CNTN1: variants seen among roughly 807,000 people sequenced by gnomAD.
The protein encoded by CNTN1 is contactin-1.
A neutral mutation model predicts 126.4 loss-of-function variants in CNTN1; 38 were observed. The ratio of observed to expected loss-of-function variants is 0.30; its 90% CI spans 0.23 to 0.39. The LOEUF is 0.39. CNTN1 is among the 10% of genes least tolerant of loss of function. The pLI, the probability that CNTN1 is intolerant of heterozygous loss-of-function variation, is 1.00. For missense variants in CNTN1, 1,009 were observed against 1,248.4 expected, an observed-to-expected ratio of 0.81 and a Z score of 2.89; for synonymous variants, 413 against 422.6, an observed-to-expected ratio of 0.98 and a Z score of 0.28.
At chr12:40,808,544 A>ATTCT (rs144465894) in intron 1 of CNTN1, among the ~76,000 whole-genome samples, 3,461 of 152,328 alleles carry the variant, frequency 0.023, 123 homozygotes, top group African/African-American at 0.077. Flanking sequence ...GGAATGATTT[A>ATTCT]GAGTATTTAG....
At chr12:41,033,718 G>T (rs10437976) in intron 23 of CNTN1, among the ~76,000 whole-genome samples, 1 of 151,970 alleles carries the variant, frequency 6.6e-6, no homozygotes, top group South Asian at 2.1e-4. Flanking sequence ...GAAGTACCAG[G>T]TTATTGCCAT....
intron 1 of CNTN1, among the ~76,000 whole-genome samples, chr12:40,765,354 A>G (rs1939037805): frequency 6.6e-6 from 1 of 152,128 alleles, no homozygotes; most frequent in South Asian, 2.1e-4. Flanking sequence ...TCAATCCAGG[A>G]GTACAGTATA....
chr12:40,918,828 A>G, intron 4 of CNTN1, 57 bp downstream of exon 4: 1 of 1,591,692 alleles, frequency 6.3e-7, no homozygotes, highest in Non-Finnish European at 8.6e-7. Context: ...ATCACAGATC[A>G]GCATCTATGA....
intron 16 of CNTN1, among the ~76,000 whole-genome samples, chr12:40,983,752 T>G (rs988515385): frequency 4.7e-5 from 7 of 147,832 alleles, no homozygotes; most frequent in African/African-American, 1.5e-4. Flanking sequence ...TACTATATAT[T>G]ATATTACTAT....
chr12:40,880,674 T>C (rs1028267678), intron 1 of CNTN1, among the ~76,000 whole-genome samples: 1 of 152,024 alleles, frequency 6.6e-6, no homozygotes, highest in African/African-American at 2.4e-5. Context: ...CAGCTAAAGC[T>C]GACCAAGAAA....
intron 15 of CNTN1, among the ~76,000 whole-genome samples, chr12:40,974,762 G>A (rs1359488372): frequency 6.6e-6 from 1 of 151,930 alleles, no homozygotes; most frequent in East Asian, 1.9e-4. Flanking sequence ...TGTAAAATAG[G>A]AAAAATAATA....
intron 6 of CNTN1, 142 bp from the exon 7 acceptor site, chr12:40,929,654 C>T: frequency 1.5e-6 from 1 of 676,642 alleles, no homozygotes; most frequent in Non-Finnish European, 2.7e-6. Flanking sequence ...AAAGTGTGCA[C>T]TGTTTGTCTT....
chr12:40,820,351 A>G (rs963439284), intron 1 of CNTN1, among the ~76,000 whole-genome samples: 3 of 152,218 alleles, frequency 2.0e-5, no homozygotes, highest in African/African-American at 7.2e-5. Flanking sequence ...TTTCAATGTA[A>G]GGTTCAGAGG....
At chr12:40,918,259 G>A (rs949860972) in intron 3 of CNTN1, among the ~76,000 whole-genome samples, 6 of 152,124 alleles carry the variant, frequency 3.9e-5, no homozygotes, top group African/African-American at 1.4e-4. Flanking sequence ...TTGGCTTCCT[G>A]TTGGAACTAA....
intron 1 of CNTN1, among the ~76,000 whole-genome samples, chr12:40,867,284 T>A (rs1943329548): frequency 6.6e-6 from 1 of 152,082 alleles, no homozygotes; most frequent in Non-Finnish European, 1.5e-5. Flanking sequence ...TACATGCCCC[T>A]AACCTAAATG....
chr12:40,939,618 T>A, intron 12 of CNTN1, 133 bp downstream of exon 12: 2 of 920,660 alleles, frequency 2.2e-6, no homozygotes, highest in Non-Finnish European at 3.4e-6. Context: ...ATCCTGTAGT[T>A]CTAAGATGGA....
chr12:40,892,552 T>C (rs11178935), intron 1 of CNTN1, among the ~76,000 whole-genome samples: 37,955 of 151,856 alleles, frequency 0.25, 5,018 homozygotes, highest in South Asian at 0.35. Context: ...AGATGAAAAA[T>C]CATAGCCAAA....
chr12:40,704,561 A>C (rs1374596271), intron 1 of CNTN1, among the ~76,000 whole-genome samples: 4 of 152,170 alleles, frequency 2.6e-5, no homozygotes, highest in Non-Finnish European at 4.4e-5. Flanking sequence ...AAAGCCATAA[A>C]AATTCACGGA....
At chr12:41,024,323 C>A (rs961370930) in intron 20 of CNTN1, among the ~76,000 whole-genome samples, 2 of 151,682 alleles carry the variant, frequency 1.3e-5, no homozygotes, top group African/African-American at 4.8e-5. Context: ...ACAAATAATC[C>A]TTTTCTTTTT....
chr12:41,001,696 C>A (rs909561262), intron 17 of CNTN1, among the ~76,000 whole-genome samples: 1 of 152,110 alleles, frequency 6.6e-6, no homozygotes. Context: ...GAAATCTTTG[C>A]CCATTCCTAT....
intron 1 of CNTN1, among the ~76,000 whole-genome samples, chr12:40,873,235 C>T (rs1943565189): frequency 6.6e-6 from 1 of 152,190 alleles, no homozygotes; most frequent in African/African-American, 2.4e-5. Context: ...ATTATTTTAA[C>T]CTTTTTACAC....
At chr12:40,861,872 G>A (rs950521780) in intron 1 of CNTN1, among the ~76,000 whole-genome samples, 1 of 151,834 alleles carries the variant, frequency 6.6e-6, no homozygotes, top group African/African-American at 2.4e-5. Flanking sequence ...GTCATACATG[G>A]CATTTTTACT....
intron 15 of CNTN1, among the ~76,000 whole-genome samples, chr12:40,976,832 A>AT (rs1236492250): frequency 6.6e-6 from 1 of 152,078 alleles, no homozygotes; most frequent in African/African-American, 2.4e-5. Flanking sequence ...TCCGTGCTCT[A>AT]TTTTTTGCCA....
At chr12:40,882,212 G>A (rs1943892174) in intron 1 of CNTN1, among the ~76,000 whole-genome samples, 1 of 151,628 alleles carries the variant, frequency 6.6e-6, no homozygotes, top group South Asian at 2.1e-4. Flanking sequence ...AGGAAAATAG[G>A]TAGGCATATG....
Sources: allele counts gnomAD v4.1 joint callset (sites outside exome capture counted in the v4.1 genomes callset), GRCh38; gene constraint gnomAD v4.1.1; transcripts MANE v1.5; gene names NCBI Gene and HGNC (gene_info 2026-07-23, HGNC 2026-07-21).